LY96: variants seen among roughly 807,000 people sequenced by gnomAD.
The protein encoded by LY96 is lymphocyte antigen 96, also known as myeloid differentiation protein-2.
In LY96, 18 loss-of-function variants were observed where a neutral mutation model predicts 18.9. The observed-to-expected ratio is 0.95, with a 90% confidence interval of 0.66 to 1.41. The LOEUF (loss-of-function observed/expected upper bound fraction) is 1.41. Among genes scored for constraint, LY96 ranks in the 40% most tolerant of loss-of-function variants. LY96 has a pLI of 0.00. For synonymous variants in LY96, 66 were observed against 62.6 expected, an observed-to-expected ratio of 1.06 and a Z score of -0.26; for missense variants, 175 against 182.4, an observed-to-expected ratio of 0.96 and a Z score of 0.23.
chr8:74,012,105 T>G (rs1816545034), intron 3 of LY96, among the ~76,000 whole-genome samples: 1 of 152,186 alleles, frequency 6.6e-6, no homozygotes, highest in Non-Finnish European at 1.5e-5. Flanking sequence ...TGTAAATTAG[T>G]ATAGTCTATG....
the LY96 span, among the ~76,000 whole-genome samples, chr8:74,078,309 C>T: frequency 1.3e-5 from 2 of 151,872 alleles, no homozygotes; most frequent in African/African-American, 4.8e-5. Flanking sequence ...TGGAGTGTGG[C>T]CAAATGAATA....
chr8:74,076,202 C>A, the LY96 span, among the ~76,000 whole-genome samples: 9 of 151,944 alleles, frequency 5.9e-5, no homozygotes, highest in Non-Finnish European at 1.0e-4. Context: ...GATGTAGGTT[C>A]TTCTTGAAGG....
At chr8:74,029,092 G>C (rs1314612262), downstream of LY96, 3 of 1,280,112 alleles carry the variant, frequency 2.3e-6, no homozygotes, top group Non-Finnish European at 3.4e-6. Flanking sequence ...TAAAGGTATT[G>C]TTCCTGTTTT....
the LY96 span, among the ~76,000 whole-genome samples, chr8:74,072,338 A>G: frequency 6.6e-6 from 1 of 152,150 alleles, no homozygotes; most frequent in Non-Finnish European, 1.5e-5. Context: ...TGAAATTAAA[A>G]ATTTTCCATA....
the LY96 span, among the ~76,000 whole-genome samples, chr8:74,081,097 CTT>C: frequency 1.6e-5 from 2 of 125,546 alleles, no homozygotes; most frequent in African/African-American, 3.3e-5. Context: ...CTCTTTCTTT[CTT>C]TCTTTCTTTC....
the LY96 span, among the ~76,000 whole-genome samples, chr8:74,054,115 C>T: frequency 1.3e-5 from 2 of 152,170 alleles, no homozygotes; most frequent in Admixed American, 1.3e-4. Context: ...GCAGCCTCAA[C>T]ATTCTGGGCT....
chr8:73,992,626 T>A (rs1277637236), intron 1 of LY96, among the ~76,000 whole-genome samples: 1 of 152,154 alleles, frequency 6.6e-6, no homozygotes, highest in East Asian at 1.9e-4. Flanking sequence ...AATTGCCACA[T>A]GTGAGGAGGA....
intron 1 of LY96, among the ~76,000 whole-genome samples, chr8:73,999,599 T>G (rs937681746): frequency 6.6e-6 from 1 of 152,232 alleles, no homozygotes; most frequent in African/African-American, 2.4e-5. Context: ...TTACTGATTT[T>G]TGTAGGTTCA....
chr8:74,074,159 A>G, the LY96 span, among the ~76,000 whole-genome samples: 1 of 151,682 alleles, frequency 6.6e-6, no homozygotes, highest in Non-Finnish European at 1.5e-5. Context: ...CACCATGTTC[A>G]GCTAATGTTT....
chr8:74,009,544 A>T (rs1195893313), intron 2 of LY96, among the ~76,000 whole-genome samples: 1 of 152,158 alleles, frequency 6.6e-6, no homozygotes, highest in African/African-American at 2.4e-5. Flanking sequence ...AGGAAATTAA[A>T]AAATAGGCAT....
chr8:74,067,830 G>C, the LY96 span, among the ~76,000 whole-genome samples: 1 of 151,954 alleles, frequency 6.6e-6, no homozygotes, highest in Non-Finnish European at 1.5e-5. Flanking sequence ...GGAAGCTGAG[G>C]CAGACTGATC....
chr8:73,992,068 A>G (rs555407902), intron 1 of LY96, among the ~76,000 whole-genome samples: 1 of 152,290 alleles, frequency 6.6e-6, no homozygotes, highest in East Asian at 1.9e-4. Context: ...TTAGCACTGA[A>G]GTGAAAGTGA....
the LY96 span, among the ~76,000 whole-genome samples, chr8:74,078,674 T>C: frequency 6.6e-6 from 1 of 152,122 alleles, no homozygotes; most frequent in African/African-American, 2.4e-5. Context: ...CTGTGTCTCC[T>C]GGAAATGCAA....
chr8:74,004,869 C>T lies in LY96; in HGVS notation c.186C>T (p.His62=), dbSNP rs1195824354. ...IELKRSKGLL[H]IFYIPRRDLK... The stretch of plus-strand genomic sequence containing the variant: ...TGAAAAGATCCAAAGGATTATTGCA[C>T]ATTTTCTACATTCCAAGTAAGTTCA... The change falls in exon 2 of 5, where the codon CAC becomes CAT. Residue 62 remains histidine (H), a synonymous_variant. Transcript: ENST00000284818. 4 of 1,591,098 alleles carry T rather than the reference C, an allele frequency of 2.5e-6. No homozygotes were observed. The African/African-American group carries it at 4.0e-5, about 16-fold the overall frequency.
intron 3 of LY96, among the ~76,000 whole-genome samples, chr8:74,016,425 T>TG (rs1491003224): frequency 6.6e-6 from 1 of 152,220 alleles, no homozygotes; most frequent in Non-Finnish European, 1.5e-5. Flanking sequence ...ACTCCACCTC[T>TG]GGGGGCAGGG....
At chr8:74,074,240 T>G in the LY96 span, among the ~76,000 whole-genome samples, 1 of 152,192 alleles carries the variant, frequency 6.6e-6, no homozygotes, top group Admixed American at 6.5e-5. Flanking sequence ...CCTCAAGTAA[T>G]CCACCTGCCT....
At chr8:74,090,999 T>C in the LY96 span, among the ~76,000 whole-genome samples, 1 of 152,242 alleles carries the variant, frequency 6.6e-6, no homozygotes, top group Non-Finnish European at 1.5e-5. Context: ...TATATGTGTA[T>C]CGTCAATATA....
chr8:74,026,955 A>G (rs62509335), intron 4 of LY96, 114 bp downstream of exon 4: 14 of 620,506 alleles, frequency 2.3e-5, no homozygotes, highest in Non-Finnish European at 4.1e-5. Context: ...TTTTTTTTAA[A>G]TGGGATCTCA....
At chr8:74,082,628 A>T in the LY96 span, among the ~76,000 whole-genome samples, 1 of 152,214 alleles carries the variant, frequency 6.6e-6, no homozygotes. Context: ...ACAAAATAAG[A>T]TTAACAAGCA....
Sources: gnomAD v4.1 joint callset for allele counts (sites outside exome capture counted in the v4.1 genomes callset) on GRCh38, gnomAD v4.1.1 for gene constraint, MANE v1.5 for transcripts, NCBI Gene and HGNC (gene_info 2026-07-23, HGNC 2026-07-21) for gene names.